The following MTFR1 variants were observed in gnomAD, a reference collection of about 807,000 sequenced individuals.
MTFR1 encodes mitochondrial fission regulator 1.
A neutral mutation model predicts 38.8 loss-of-function variants in MTFR1; 28 were observed. The observed-to-expected ratio is 0.72, with a 90% CI of 0.53 to 0.99. The LOEUF is 0.99. Ranked by LOEUF, MTFR1 falls within the 50% of genes least tolerant of loss-of-function variation. MTFR1 has a pLI of 0.00. For missense variants in MTFR1, 358 were observed against 395.5 expected (o/e 0.91, Z 0.81); for synonymous variants, 145 against 137.0 (o/e 1.06, Z -0.41).
chr8:65,736,790 G>GTT (rs34814975), intron 3 of MTFR1, among the ~76,000 whole-genome samples: 2,112 of 128,726 alleles, frequency 0.016, 33 homozygotes, highest in Middle Eastern at 0.025. Flanking sequence ...AAATTTATCT[G>GTT]TTTTTTTTTT....
chr8:65,677,684 A>C (rs1228363305), intron 2 of MTFR1, among the ~76,000 whole-genome samples: 2 of 150,536 alleles, frequency 1.3e-5, no homozygotes, highest in Non-Finnish European at 1.5e-5. Flanking sequence ...CCAGCCAGCT[A>C]TTTCTTAATG....
Position 65,744,648 on chromosome 8 carries a change from T to C in MTFR1, c.*48+25167T>C, listed in dbSNP as rs145503620. ...ATCTGAAAGCAAGGAACCACTGCTT[T>C]GGTCAGGAAACAGGCATACAACATC... On this transcript the variant is annotated intron_variant, in intron 3 of 3. Coordinates refer to the MTFR1 transcript ENST00000521247. Among the ~76,000 whole-genome samples, 109 of 152,276 alleles carry C rather than the reference T, an allele frequency of 7.2e-4. 2 individuals carry two copies. In the East Asian group the frequency reaches 0.019, roughly 26 times the overall value.
Position 65,709,989 on chromosome 8 carries a change from T to TTAA in MTFR1, c.*951_*953dup, listed in dbSNP as rs747890317. The TTAA allele has an allele frequency of 6.6e-6, 1 of 152,430 alleles. No homozygotes were observed. Among genetic ancestry groups the TTAA allele is most frequent in the African/African-American group, 2.4e-5 (1 of 41,460 alleles). 9.4% of individuals were successfully genotyped at this position (152,430 alleles called of 1,614,324 possible). A position where few individuals can be genotyped will look rare whatever the true frequency, so the allele number is the denominator to read the frequency against. ...ATCATTGGTCAGAATGCTGTTTTGT[T>TTAA]TAATAATATTACGCAACATAAACCA... On this transcript the variant is annotated 3_prime_UTR_variant, in exon 8 of 8. Coordinates refer to ENST00000262146, the MANE Select transcript of MTFR1 (RefSeq NM_014637.4).
intron 3 of MTFR1, among the ~76,000 whole-genome samples, chr8:65,744,740 T>C (rs1197795522): frequency 6.6e-6 from 1 of 152,148 alleles, no homozygotes; most frequent in Non-Finnish European, 1.5e-5. Context: ...CATGAGATAA[T>C]AATGTTTACT....
At chr8:65,747,588 G>T (rs1010039472) in intron 3 of MTFR1, 1 of 957,598 alleles carries the variant, frequency 1.0e-6, no homozygotes, top group Non-Finnish European at 1.6e-6. Flanking sequence ...TTACTGTATG[G>T]GGAATAAAGG....
chr8:65,679,264 T>C (rs976332896), intron 2 of MTFR1, among the ~76,000 whole-genome samples: 4 of 152,202 alleles, frequency 2.6e-5, no homozygotes, highest in African/African-American at 9.6e-5. Context: ...ATGGTATACT[T>C]ACTTTTGCCC....
chr8:65,775,795 T>G (rs1247174203), downstream of MTFR1, among the ~76,000 whole-genome samples: 1 of 152,146 alleles, frequency 6.6e-6, no homozygotes, highest in Non-Finnish European at 1.5e-5. Context: ...ACCTGGCTAA[T>G]TTTTACTATT....
intron 3 of MTFR1, among the ~76,000 whole-genome samples, chr8:65,747,965 T>C (rs1807760538): frequency 6.6e-6 from 1 of 152,152 alleles, no homozygotes; most frequent in African/African-American, 2.4e-5. Context: ...TATTTTATTT[T>C]ATTTTTTTAA....
chr8:65,724,770 AT>A, intron 3 of MTFR1: 1 of 1,600,200 alleles, frequency 6.2e-7, no homozygotes, highest in South Asian at 1.1e-5. Context: ...TCCAAGCCCC[AT>A]TTTACCTGTA....
At chr8:65,721,662 C>T (rs557223271) in intron 3 of MTFR1, 1 of 152,112 alleles carries the variant, frequency 6.6e-6, no homozygotes, top group Non-Finnish European at 1.5e-5. Context: ...ATAAAAATTA[C>T]AATGTTTTAA....
chr8:65,705,179 C>T (rs1274364009), intron 5 of MTFR1, among the ~76,000 whole-genome samples: 1 of 152,126 alleles, frequency 6.6e-6, no homozygotes, highest in Non-Finnish European at 1.5e-5. Context: ...TAAAAATTAG[C>T]TGGGCGTGGT....
chr8:65,678,961 C>T (rs917758424), intron 2 of MTFR1, among the ~76,000 whole-genome samples: 2 of 152,094 alleles, frequency 1.3e-5, no homozygotes, highest in African/African-American at 4.8e-5. Context: ...TGATATTAAA[C>T]AGATGGAAAC....
intron 2 of MTFR1, among the ~76,000 whole-genome samples, chr8:65,677,705 G>A (rs559263639): frequency 1.3e-5 from 2 of 150,964 alleles, no homozygotes; most frequent in East Asian, 2.0e-4. Flanking sequence ...GCATTGGATT[G>A]TCTTATTTTC....
the MTFR1 span, among the ~76,000 whole-genome samples, chr8:65,776,501 T>A: frequency 6.6e-6 from 1 of 152,172 alleles, no homozygotes; most frequent in Non-Finnish European, 1.5e-5. Flanking sequence ...GAAGAAAAAC[T>A]GGCATCTTTA....
intron 3 of MTFR1, chr8:65,689,654 G>T: frequency 8.6e-7 from 1 of 1,161,594 alleles, no homozygotes; most frequent in Non-Finnish European, 1.1e-6. Context: ...TGTCTAAATC[G>T]TATTTCCAAG....
chr8:65,733,734 T>C (rs188041505), intron 3 of MTFR1, among the ~76,000 whole-genome samples: 22 of 152,322 alleles, frequency 1.4e-4, no homozygotes, highest in African/African-American at 4.8e-4. Flanking sequence ...GTTGATTTTT[T>C]AAAAGTCATG....
chr8:65,682,171 C>CT (rs1345689017), intron 2 of MTFR1, 182 bp from the exon 3 acceptor site: 1 of 276,300 alleles, frequency 3.6e-6, no homozygotes, highest in African/African-American at 2.3e-5. Flanking sequence ...ATCTATCTCT[C>CT]TATCTATCTA....
chr8:65,755,833 G>C (rs1415904573), intron 3 of MTFR1, among the ~76,000 whole-genome samples: 1 of 152,066 alleles, frequency 6.6e-6, no homozygotes, highest in African/African-American at 2.4e-5. Context: ...ATGTCGCCTA[G>C]GCTGGCCTTG....
chr8:65,682,387 G>A lies in MTFR1; in HGVS notation c.101G>A (p.Arg34Gln), dbSNP rs754698645. The A allele has an allele frequency of 6.4e-7, 1 of 1,571,624 alleles. No individual in the cohort carries two copies. The highest frequency in any genetic ancestry group is 8.6e-7 in the Non-Finnish European group (1 of 1,158,304). Residue 34 changes from arginine (R) to glutamine (Q), a missense_variant, in exon 3 of 8, where the codon CGA becomes CAA. By Grantham distance (43) the Arg-to-Gln change is conservative. Transcript: ENST00000262146. ...TCTAGGAAGCCATATGGTTCGTCTC[G>A]AAGTATCGTAAGGAAAATTGGTACT... ...LWSRKPYGSS[R>Q]SIVRKIGTNL...
Sources: gnomAD v4.1 joint callset for allele counts (sites outside exome capture counted in the v4.1 genomes callset) on GRCh38, gnomAD v4.1.1 for gene constraint, MANE v1.5 for transcripts, NCBI Gene and HGNC (gene_info 2026-07-23, HGNC 2026-07-21) for gene names.